PDE8B: variants seen among roughly 807,000 people sequenced by gnomAD.
PDE8B encodes high affinity cAMP-specific and IBMX-insensitive 3',5'-cyclic phosphodiesterase 8B.
Under a neutral mutation model 101.3 loss-of-function variants are expected in PDE8B, and 26 were observed. The observed-to-expected ratio is 0.26, with a 90% confidence interval of 0.19 to 0.36. The LOEUF is 0.36. Among genes scored for constraint, PDE8B ranks in the 10% least tolerant of loss-of-function variants. PDE8B has a pLI of 1.00. For missense variants in PDE8B, 810 were observed against 1,163.1 expected (o/e 0.70, Z 4.42); for synonymous variants, 424 against 429.3 (o/e 0.99, Z 0.15).
the PDE8B span, among the ~76,000 whole-genome samples, chr5:77,135,563 G>A: frequency 7.7e-3 from 1,105 of 143,782 alleles, 9 homozygotes; most frequent in Middle Eastern, 0.031. Context: ...TGCAGCCTCC[G>A]CCTCCAGAGT....
chr5:77,273,830 A>ATTTTTTTTTTTTTTTTTTTTTTTTTTT (rs957949534), intron 1 of PDE8B, among the ~76,000 whole-genome samples: 1 of 148,842 alleles, frequency 6.7e-6, no homozygotes, highest in African/African-American at 2.5e-5. Flanking sequence ...TTTATTTTTT[A>ATTTTTTTTTTTTTTTTTTTTTTTTTTT]TTTTTTTTTG....
intron 17 of PDE8B, among the ~76,000 whole-genome samples, chr5:77,415,199 C>G (rs1795274953): frequency 6.6e-6 from 1 of 152,102 alleles, no homozygotes; most frequent in East Asian, 1.9e-4. Context: ...TGCCTGTGAT[C>G]ACTGGTGGGT....
At chr5:77,116,027 C>T in the PDE8B span, among the ~76,000 whole-genome samples, 3 of 151,890 alleles carry the variant, frequency 2.0e-5, no homozygotes, top group Non-Finnish European at 1.5e-5. Flanking sequence ...CCTTCTAATT[C>T]GATAGAACGG....
At chr5:77,136,895 C>T in the PDE8B span, among the ~76,000 whole-genome samples, 40 of 152,238 alleles carry the variant, frequency 2.6e-4, no homozygotes, top group African/African-American at 8.7e-4. Flanking sequence ...TTTTTTTGGG[C>T]TATGGGTGAG....
rs1763641507 is a variant in PDE8B at position 77,275,375 on chromosome 5, C to T, written c.340-36619C>T. On this transcript the variant is annotated intron_variant, in intron 1 of 21. Transcript: ENST00000264917. ...CATACAATCTTTCTTTTCTTTCCTTCCCAAAAAGAGGACCACTTAAAAAAT... is the reference window on the plus strand; with the variant it reads ...CATACAATCTTTCTTTTCTTTCCTTTCCAAAAAGAGGACCACTTAAAAAAT... 2.3e-5 allele frequency among the ~76,000 whole-genome samples: 3 copies of T among 131,010 alleles called. No homozygotes were observed. In the South Asian group the frequency reaches 8.8e-4, roughly 38 times the overall value. 85.9% of individuals were successfully genotyped at this position (131,010 alleles called of 152,430 possible).
intron 4 of PDE8B, among the ~76,000 whole-genome samples, chr5:77,331,009 G>A (rs958638752): frequency 3.9e-5 from 6 of 152,180 alleles, no homozygotes; most frequent in South Asian, 2.1e-4. Flanking sequence ...GGACCAGCTC[G>A]GTTTTGGTGT....
intron 1 of PDE8B, among the ~76,000 whole-genome samples, chr5:77,239,709 CA>C (rs1304654073): frequency 6.6e-6 from 1 of 152,228 alleles, no homozygotes; most frequent in Non-Finnish European, 1.5e-5. Context: ...AAACTTTCCA[CA>C]CATCTTTCTA....
At position 77,210,797 on chromosome 5, in the gene PDE8B, G is replaced by A. The variant is rs1580326419; in HGVS notation, c.-129G>A. ...CCGCGGCCAGCCCGACGGAGCGGCGGACACACAGGCCGGGGGGCGCGCAGT... is the reference window on the plus strand; with the variant it reads ...CCGCGGCCAGCCCGACGGAGCGGCGAACACACAGGCCGGGGGGCGCGCAGT... On this transcript the variant is annotated 5_prime_UTR_variant, in exon 1 of 22. Transcript: ENST00000264917. The surrounding 1 kb of genome is among the most constrained non-coding windows in gnomAD (Gnocchi z 4.9). 3 of 984,056 alleles carry A rather than the reference G, an allele frequency of 3.0e-6. No homozygotes were observed. In the East Asian group the frequency reaches 3.4e-4, roughly 112 times the overall value. 61.0% of individuals were successfully genotyped at this position (984,056 alleles called of 1,614,324 possible).
chr5:77,296,212 C>G (rs1768528836), intron 1 of PDE8B, among the ~76,000 whole-genome samples: 1 of 151,398 alleles, frequency 6.6e-6, no homozygotes, highest in Admixed American at 6.6e-5. Flanking sequence ...CCTTTTCCTC[C>G]TCATCTTCCT....
upstream of PDE8B, chr5:77,210,652 T>C: frequency 1.0e-6 from 1 of 977,410 alleles, no homozygotes; most frequent in Non-Finnish European, 1.2e-6. This position sits in a 1 kb window ranked among gnomAD's most constrained non-coding sequence, Gnocchi z 4.9. Flanking sequence ...GCGGGGAGGG[T>C]GGCGGCCGCT....
chr5:77,197,255 G>A, the PDE8B span, among the ~76,000 whole-genome samples: 1 of 151,022 alleles, frequency 6.6e-6, no homozygotes, highest in Non-Finnish European at 1.5e-5. Context: ...GGGATTACAG[G>A]CATCCACCAC....
At chr5:77,256,482 A>C (rs1455373029) in intron 1 of PDE8B, among the ~76,000 whole-genome samples, 1 of 152,182 alleles carries the variant, frequency 6.6e-6, no homozygotes, top group African/African-American at 2.4e-5. Context: ...TAGATTTGCC[A>C]TTATTCAGTC....
At position 77,407,418 on chromosome 5, in the gene PDE8B, G is replaced by A. The variant is rs747753539; in HGVS notation, c.1326G>A (p.Ala442=). 13 of 1,613,920 alleles carry A rather than the reference G, an allele frequency of 8.1e-6. No homozygotes were observed. Among genetic ancestry groups the A allele is most frequent in the South Asian group, 5.5e-5 (5 of 91,088 alleles). Residue 442 remains alanine, a synonymous_variant, in exon 13 of 22, where the codon GCG becomes GCA. Transcript: ENST00000264917. Reference sequence around the variant, plus strand: ...AGAATCGTCGCTATCCGTCCATGGCGAGGATCCACTCCATGACCATCGAGG... The same window carrying A: ...AGAATCGTCGCTATCCGTCCATGGCAAGGATCCACTCCATGACCATCGAGG... The part of the protein sequence containing the change: ...SLQNRRYPSM[A]RIHSMTIEAP...
the PDE8B span, among the ~76,000 whole-genome samples, chr5:77,184,254 C>T: frequency 6.6e-6 from 1 of 152,196 alleles, no homozygotes; most frequent in Non-Finnish European, 1.5e-5. Flanking sequence ...GTGTGAGCCA[C>T]CGTGCTGGCC....
chr5:77,179,087 G>T, the PDE8B span, among the ~76,000 whole-genome samples: 1 of 152,314 alleles, frequency 6.6e-6, no homozygotes, highest in East Asian at 1.9e-4. Context: ...CCAGGCAATG[G>T]GGATCATTGG....
At chr5:77,419,008 G>A (rs1796117686) in intron 18 of PDE8B, among the ~76,000 whole-genome samples, 1 of 152,206 alleles carries the variant, frequency 6.6e-6, no homozygotes, top group African/African-American at 2.4e-5. Flanking sequence ...AGGGGGCAGT[G>A]TACAGAGAAC....
At chr5:77,290,955 G>A (rs750961723) in intron 1 of PDE8B, 200 of 1,611,524 alleles carry the variant, frequency 1.2e-4, no homozygotes, top group Admixed American at 1.8e-4. Context: ...AGCAGATACC[G>A]GCACAGCAAT....
At chr5:77,305,948 G>C (rs1395497482) in intron 1 of PDE8B, among the ~76,000 whole-genome samples, 1 of 152,174 alleles carries the variant, frequency 6.6e-6, no homozygotes, top group Non-Finnish European at 1.5e-5. Context: ...ACTGTAGATG[G>C]TGGGAAGGAA....
intron 5 of PDE8B, among the ~76,000 whole-genome samples, chr5:77,334,231 G>A (rs1168424279): frequency 6.6e-6 from 1 of 152,220 alleles, no homozygotes; most frequent in East Asian, 1.9e-4. Context: ...TCACCCCTGT[G>A]TTGCTAGCTA....
Sources: allele counts gnomAD v4.1 joint callset (sites outside exome capture counted in the v4.1 genomes callset), GRCh38; gene constraint gnomAD v4.1.1; non-coding constraint Gnocchi (gnomAD v3.1); transcripts MANE v1.5; gene names NCBI Gene and HGNC (gene_info 2026-07-23, HGNC 2026-07-21).